Variants in CEP128 observed in about 807,000 individuals in gnomAD.
CEP128 encodes the protein centrosomal protein 128, also known as centrosomal protein 128kDa.
CEP128 carries 132 observed loss-of-function variants against 156.7 expected under a neutral mutation model. That is an observed-to-expected ratio of 0.84 (90% CI 0.73 to 0.97). The LOEUF (loss-of-function observed/expected upper bound fraction) is 0.97, where lower values mean the gene tolerates loss of function less well. Ranked by LOEUF, CEP128 falls within the 50% of genes least tolerant of loss-of-function variation. The pLI is 0.00. For synonymous variants in CEP128, 469 were observed against 448.9 expected (o/e 1.04, Z -0.57); for missense variants, 1,252 against 1,281.9 (o/e 0.98, Z 0.36).
chr14:80,836,127 G>A lies in CEP128; in HGVS notation c.1057+78C>T, dbSNP rs1886060743. 4 of 1,332,010 alleles carry A rather than the reference G, an allele frequency of 3.0e-6. No homozygotes were observed. In the African/African-American group the frequency reaches 5.9e-5, roughly 19 times the overall value. 82.5% of individuals were successfully genotyped at this position (1,332,010 alleles called of 1,614,324 possible). A position where few individuals can be genotyped will look rare whatever the true frequency, so the allele number is the denominator to read the frequency against. On this transcript the variant is annotated intron_variant, in intron 12 of 24. Transcript: ENST00000555265. ...CATCACAAAGGAATGCAATTCTGAG[G>A]ATGAAAAGTATTTTCTAAGAAAAAC...
chr14:80,497,603 A>G, intron 24 of CEP128, 21 bp from the exon 25 acceptor site: 3 of 1,535,368 alleles, frequency 2.0e-6, no homozygotes, highest in Non-Finnish European at 2.7e-6. Flanking sequence ...AAGAAGAAAA[A>G]GAAAAATAAA....
In CEP128 at chr14:80,920,868, G is replaced by A. The variant is rs1462684605; in HGVS notation, c.-15-4306C>T. On this transcript the variant is annotated intron_variant, in intron 2 of 24. Coordinates refer to ENST00000555265, the MANE Select transcript of CEP128 (RefSeq NM_152446.5). ...TGAATAACTTGTCTGGATGTCAGCA[G>A]GTAATAAGTATCAAGAAGAGCTTAT... Among the ~76,000 whole-genome samples the A allele has an allele frequency of 2.6e-5, 4 of 152,066 alleles. No homozygotes were observed. In the East Asian group the frequency reaches 7.7e-4, roughly 29 times the overall value.
intron 24 of CEP128, among the ~76,000 whole-genome samples, chr14:80,501,026 T>C (rs1377704567): frequency 6.6e-6 from 1 of 152,142 alleles, no homozygotes; most frequent in Non-Finnish European, 1.5e-5. Context: ...ATATGTCCAC[T>C]AGTAGTCTTT....
intron 2 of CEP128, among the ~76,000 whole-genome samples, chr14:80,935,751 G>A (rs1466516802): frequency 6.6e-6 from 1 of 151,028 alleles, no homozygotes; most frequent in African/African-American, 2.4e-5. Context: ...GGTGGTGGTG[G>A]TCATCATGGT....
intron 19 of CEP128, among the ~76,000 whole-genome samples, chr14:80,638,135 C>G (rs1371101117): frequency 6.6e-6 from 1 of 152,184 alleles, no homozygotes; most frequent in Non-Finnish European, 1.5e-5. Context: ...TTCTAATCAT[C>G]TCTTTCCTTT....
At chr14:80,600,336 A>C (rs1892528119) in intron 19 of CEP128, among the ~76,000 whole-genome samples, 1 of 152,246 alleles carries the variant, frequency 6.6e-6, no homozygotes, top group Non-Finnish European at 1.5e-5. Context: ...TAGATACATC[A>C]TAATCAAATT....
At chr14:80,583,433 C>A (rs536696547) in intron 19 of CEP128, among the ~76,000 whole-genome samples, 17 of 152,062 alleles carry the variant, frequency 1.1e-4, no homozygotes, top group Non-Finnish European at 2.5e-4. Flanking sequence ...ACTAACCTTT[C>A]CTGCTGCAGA....
chr14:80,788,464 G>A (rs1901536073), intron 14 of CEP128, among the ~76,000 whole-genome samples: 1 of 151,894 alleles, frequency 6.6e-6, no homozygotes, highest in African/African-American at 2.4e-5. Context: ...CAAACAAACA[G>A]AAACGAACAA....
chr14:80,501,661 C>T (rs1887741790), intron 24 of CEP128, among the ~76,000 whole-genome samples: 2 of 151,858 alleles, frequency 1.3e-5, no homozygotes, highest in South Asian at 2.1e-4. Flanking sequence ...CCCGCCACCA[C>T]GCCTGGCTTA....
chr14:80,945,600 C>G (rs1594877727), upstream of CEP128: 1 of 152,146 alleles, frequency 6.6e-6, no homozygotes, highest in Non-Finnish European at 1.5e-5. Context: ...AGAGAGACAC[C>G]TGAGACAATT....
intron 13 of CEP128, among the ~76,000 whole-genome samples, chr14:80,799,922 C>G (rs1883739817): frequency 6.6e-6 from 1 of 152,036 alleles, no homozygotes; most frequent in Non-Finnish European, 1.5e-5. Context: ...TTTGTTGGAC[C>G]CTTATCAGTG....
intron 24 of CEP128, among the ~76,000 whole-genome samples, chr14:80,500,460 G>A (rs1306744261): frequency 1.3e-5 from 2 of 152,122 alleles, no homozygotes; most frequent in Admixed American, 1.3e-4. Flanking sequence ...CAGCTTTCAT[G>A]TTCCACCTGA....
At position 80,535,676 on chromosome 14, in the gene CEP128, G is replaced by T. The variant is rs181388773; in HGVS notation, c.2881-4790C>A. ...TTCTGTTGATTATAGGATGTTAAAT[G>T]TCAGAGGAGTTTTATGATACTAACA... is the stretch of plus-strand genomic sequence containing the variant. On this transcript the variant is annotated intron_variant, in intron 21 of 24. Coordinates refer to ENST00000555265, the MANE Select transcript of CEP128 (RefSeq NM_152446.5). 5.3e-5 allele frequency among the ~76,000 whole-genome samples: 8 copies of T among 152,282 alleles called. No individual in the cohort carries two copies. The East Asian group carries it at 1.5e-3, about 29-fold the overall frequency.
chr14:80,656,109 A>G (rs1182008854), intron 19 of CEP128, among the ~76,000 whole-genome samples: 1 of 151,566 alleles, frequency 6.6e-6, no homozygotes, highest in Non-Finnish European at 1.5e-5. Context: ...AAACTGTCCT[A>G]TCAAAAGCCT....
intron 20 of CEP128, among the ~76,000 whole-genome samples, chr14:80,575,418 T>C (rs1891314475): frequency 6.6e-6 from 1 of 152,144 alleles, no homozygotes; most frequent in Non-Finnish European, 1.5e-5. Context: ...TTTTTCATTA[T>C]ATTTAGCAGC....
chr14:80,796,366 A>G (rs935831623), intron 13 of CEP128, among the ~76,000 whole-genome samples: 109 of 152,228 alleles, frequency 7.2e-4, no homozygotes, highest in African/African-American at 2.4e-3. Flanking sequence ...AGGCTGAGGC[A>G]TAAGAACAGC....
intron 19 of CEP128, among the ~76,000 whole-genome samples, chr14:80,615,073 G>C (rs978453656): frequency 1.3e-5 from 2 of 152,174 alleles, no homozygotes; most frequent in Middle Eastern, 6.8e-3. Context: ...GTAAGAAATG[G>C]TATTGATTGG....
upstream of CEP128, among the ~76,000 whole-genome samples, chr14:80,944,860 GA>G (rs1191134350): frequency 2.3e-5 from 1 of 43,514 alleles, no homozygotes; most frequent in Non-Finnish European, 4.1e-5. Context: ...AAAAAAAACA[GA>G]AAAAACAGAA....
chr14:80,749,995 C>T lies in CEP128; in HGVS notation c.2614-6728G>A, dbSNP rs73340536. On this transcript the variant is annotated intron_variant, in intron 18 of 24. Transcript: ENST00000555265. ...TAAAAAATAGTAAAATGAACATGGACTGATAAAAGATATGACATTTACAGT... is the reference window on the plus strand; with the variant it reads ...TAAAAAATAGTAAAATGAACATGGATTGATAAAAGATATGACATTTACAGT... Among the ~76,000 whole-genome samples, 950 of 152,154 alleles carry T rather than the reference C, an allele frequency of 6.2e-3. 8 individuals carry two copies. The highest frequency in any genetic ancestry group is 0.021 in the African/African-American group (879 of 41,502).
Sources: allele counts gnomAD v4.1 joint callset (sites outside exome capture counted in the v4.1 genomes callset), GRCh38; gene constraint gnomAD v4.1.1; transcripts MANE v1.5; gene names NCBI Gene and HGNC (gene_info 2026-07-23, HGNC 2026-07-21).